Variants in PDE1A observed in about 807,000 individuals in gnomAD.
PDE1A encodes the protein phosphodiesterase 1A, also known as dual specificity calcium/calmodulin-dependent 3',5'-cyclic nucleotide phosphodiesterase 1A.
Under a neutral mutation model 61.7 loss-of-function variants are expected in PDE1A, and 35 were observed. That is an observed-to-expected ratio of 0.57 (90% CI 0.43 to 0.75). PDE1A has a LOEUF of 0.75. Ranked by LOEUF, PDE1A falls within the 30% of genes least tolerant of loss-of-function variation. PDE1A has a pLI of 0.00. For synonymous variants in PDE1A, 232 were observed against 213.2 expected, an observed-to-expected ratio of 1.09 and a Z score of -0.77; for missense variants, 597 against 630.6, an observed-to-expected ratio of 0.95 and a Z score of 0.57.
chr2:182,233,648 A>G (rs888251399), intron 4 of PDE1A, among the ~76,000 whole-genome samples: 4 of 152,202 alleles, frequency 2.6e-5, no homozygotes, highest in Non-Finnish European at 5.9e-5. Context: ...GTTAATGTAG[A>G]AAAACCAATA....
At chr2:182,683,032 A>G in the PDE1A span, among the ~76,000 whole-genome samples, 2 of 151,986 alleles carry the variant, frequency 1.3e-5, no homozygotes, top group East Asian at 3.9e-4. Flanking sequence ...ATGATCAAAC[A>G]TATATGAATT....
chr2:182,522,557 T>C lies in PDE1A; in HGVS notation c.-11+108A>G, dbSNP rs1245665748. 5.7e-6 allele frequency: 8 copies of C among 1,415,000 alleles called. No homozygotes were observed. The African/African-American group carries it at 7.2e-5, about 13-fold the overall frequency. 87.7% of individuals were successfully genotyped at this position (1,415,000 alleles called of 1,614,324 possible). On this transcript the variant is annotated intron_variant, in intron 1 of 14. Coordinates refer to the PDE1A transcript ENST00000410103. ...TGCTATTGACTTTGACAGGCATATA[T>C]CCACTGCTCACCACCTCACCACCCC...
intron 10 of PDE1A, among the ~76,000 whole-genome samples, chr2:182,198,178 T>C (rs1686298401): frequency 6.6e-6 from 1 of 151,914 alleles, no homozygotes; most frequent in Non-Finnish European, 1.5e-5. Flanking sequence ...CTGTTTTCAA[T>C]TTTTATTTTC....
chr2:182,203,106 G>A (rs1169176988), intron 8 of PDE1A, among the ~76,000 whole-genome samples: 16 of 152,146 alleles, frequency 1.1e-4, no homozygotes, highest in Admixed American at 3.9e-4. Flanking sequence ...ACGAGGTCAG[G>A]AGATCGAGAC....
the PDE1A span, among the ~76,000 whole-genome samples, chr2:182,626,669 T>A: frequency 8.2e-6 from 1 of 122,508 alleles, no homozygotes; most frequent in Non-Finnish European, 1.7e-5. Context: ...TGTTTCCTAA[T>A]ATGTAATTGC....
chr2:182,656,964 C>A, the PDE1A span, among the ~76,000 whole-genome samples: 1 of 152,258 alleles, frequency 6.6e-6, no homozygotes, highest in Admixed American at 6.5e-5. Flanking sequence ...GTGGCTCATG[C>A]CTGTAATCCC....
chr2:182,352,501 T>C (rs985336107), intron 1 of PDE1A, among the ~76,000 whole-genome samples: 1 of 151,748 alleles, frequency 6.6e-6, no homozygotes, highest in Non-Finnish European at 1.5e-5. Flanking sequence ...AAATATAAAA[T>C]ACTGAAACAA....
At chr2:182,163,396 G>A (rs1691490967), downstream of PDE1A, among the ~76,000 whole-genome samples, 1 of 152,142 alleles carries the variant, frequency 6.6e-6, no homozygotes, top group African/African-American at 2.4e-5. Flanking sequence ...CTATTTTGCA[G>A]GGATCCTGAT....
intron 2 of PDE1A, among the ~76,000 whole-genome samples, chr2:182,483,688 A>T (rs1005141010): frequency 6.6e-6 from 1 of 151,780 alleles, no homozygotes; most frequent in African/African-American, 2.4e-5. Context: ...TACTAAAAAA[A>T]TTTTTCAAAT....
At chr2:182,617,898 C>T in the PDE1A span, among the ~76,000 whole-genome samples, 1 of 152,180 alleles carries the variant, frequency 6.6e-6, no homozygotes, top group African/African-American at 2.4e-5. Context: ...ACCTTACACC[C>T]ATTTCTAACA....
chr2:182,271,915 T>C (rs1559280020), intron 1 of PDE1A, among the ~76,000 whole-genome samples: 1 of 152,032 alleles, frequency 6.6e-6, no homozygotes. Context: ...AGAAAAGAGA[T>C]TGATACATGA....
chr2:182,482,995 A>C (rs1286888691), intron 2 of PDE1A, among the ~76,000 whole-genome samples: 1 of 152,008 alleles, frequency 6.6e-6, no homozygotes, highest in Non-Finnish European at 1.5e-5. Context: ...AAAAGGATGG[A>C]AAAAGCTATA....
chr2:182,404,883 TA>T (rs1702214779), intron 1 of PDE1A, among the ~76,000 whole-genome samples: 1 of 152,212 alleles, frequency 6.6e-6, no homozygotes, highest in African/African-American at 2.4e-5. Context: ...ATTAAAAATA[TA>T]AGTAGAAGGA....
chr2:182,655,755 A>G, the PDE1A span, among the ~76,000 whole-genome samples: 134 of 152,318 alleles, frequency 8.8e-4, no homozygotes, highest in East Asian at 0.012. Flanking sequence ...CAGGAGAATA[A>G]AGGGTTCAAA....
At chr2:182,425,753 T>C (rs1703579264) in intron 1 of PDE1A, among the ~76,000 whole-genome samples, 1 of 152,188 alleles carries the variant, frequency 6.6e-6, no homozygotes. Context: ...TGCTAACATG[T>C]AGTATCTCTG....
rs1249701293 is a variant in PDE1A at position 182,168,437 on chromosome 2, T to G, written c.1517-147A>C. On this transcript the variant is annotated intron_variant, in intron 13 of 13. Transcript: ENST00000351439. ...TATGAAGAGAAACATAATTGGCATA[T>G]TTTCCTTAATTTTTAATATACTTTG... 8.3e-6 allele frequency: 6 copies of G among 721,414 alleles called. No homozygotes were observed. In the South Asian group the frequency reaches 9.4e-5, roughly 11 times the overall value. 44.7% of individuals were successfully genotyped at this position (721,414 alleles called of 1,614,324 possible).
chr2:182,531,080 CATAG>C, the PDE1A span, among the ~76,000 whole-genome samples: 110 of 151,652 alleles, frequency 7.3e-4, 2 homozygotes, highest in African/African-American at 2.6e-3. Flanking sequence ...ATAAGCTATG[CATAG>C]ATAGTGATAT....
At chr2:182,356,183 G>A (rs1179828793) in intron 1 of PDE1A, among the ~76,000 whole-genome samples, 1 of 152,114 alleles carries the variant, frequency 6.6e-6, no homozygotes, top group East Asian at 1.9e-4. Context: ...AGTGGCTCAT[G>A]TGCATAATCC....
chr2:182,394,131 TGTATCA>T (rs1409800576), intron 1 of PDE1A, among the ~76,000 whole-genome samples: 2 of 152,212 alleles, frequency 1.3e-5, no homozygotes, highest in Non-Finnish European at 2.9e-5. Context: ...GCCAATTCAC[TGTATCA>T]GTCCATTCTC....
Sources: allele counts gnomAD v4.1 joint callset (sites outside exome capture counted in the v4.1 genomes callset), GRCh38; gene constraint gnomAD v4.1.1; transcripts MANE v1.5; gene names NCBI Gene and HGNC (gene_info 2026-07-23, HGNC 2026-07-21).